Variants in MAX observed in about 807,000 individuals in gnomAD.
MAX encodes protein max.
A neutral mutation model predicts 22.3 loss-of-function variants in MAX; 3 were observed. The observed-to-expected ratio is 0.13, with a 90% CI of 0.06 to 0.35. The LOEUF (loss-of-function observed/expected upper bound fraction) is 0.35. Among genes scored for constraint, MAX ranks in the 10% least tolerant of loss-of-function variants. MAX has a pLI of 1.00. For synonymous variants in MAX, 72 were observed against 77.7 expected, an observed-to-expected ratio of 0.93 and a Z score of 0.39; for missense variants, 119 against 209.4, an observed-to-expected ratio of 0.57 and a Z score of 2.66.
At chr14:65,037,403 C>CTTTTTTTTTTTTTTTTTTTTT (rs1555335876) in intron 3 of MAX, among the ~76,000 whole-genome samples, 6 of 29,678 alleles carry the variant, frequency 2.0e-4, no homozygotes, top group Non-Finnish European at 4.4e-4. Flanking sequence ...ACGCCGGGCC[C>CTTTTTTTTTTTTTTTTTTTTT]TTTTTTTTTT....
chr14:65,045,088 A>G (rs915568077), intron 3 of MAX, among the ~76,000 whole-genome samples: 1 of 152,198 alleles, frequency 6.6e-6, no homozygotes, highest in Non-Finnish European at 1.5e-5. Context: ...ATGGGAACGC[A>G]AAACCGAAGT....
intron 3 of MAX, among the ~76,000 whole-genome samples, chr14:65,045,245 G>T (rs1467154787): frequency 6.6e-6 from 1 of 152,158 alleles, no homozygotes; most frequent in Non-Finnish European, 1.5e-5. Flanking sequence ...AAGTCATGGG[G>T]CCCTGCTGGT....
intron 3 of MAX, chr14:65,061,563 T>C: frequency 2.2e-6 from 1 of 450,490 alleles, no homozygotes; most frequent in Non-Finnish European, 3.9e-6. Context: ...TGGTGAACAG[T>C]GCATGCCAGG....
intron 3 of MAX, among the ~76,000 whole-genome samples, chr14:65,042,581 T>C (rs1006252039): frequency 1.3e-5 from 2 of 152,198 alleles, no homozygotes; most frequent in African/African-American, 4.8e-5. Flanking sequence ...CCACCACTCA[T>C]GTCCTGCTGT....
intron 3 of MAX, chr14:65,021,857 G>A (rs1595040142): frequency 2.2e-6 from 1 of 446,020 alleles, no homozygotes; most frequent in Middle Eastern, 3.3e-4. Context: ...TGTTGGCCAG[G>A]CTGGTCTCAA....
At position 65,084,391 on chromosome 14, in the gene MAX, TCTTCC is replaced by T; in HGVS notation, c.172-6360_172-6356del. ...CTTTTGTTTACTGAATTAGTTACCC[TCTTCC>T]AAAAAAAAAAATTCCAGTGATAATG... On this transcript the variant is annotated intron_variant, in intron 3 of 4. Coordinates refer to ENST00000358664, the MANE Select transcript of MAX (RefSeq NM_002382.5). This position sits in a 1 kb window ranked among gnomAD's most constrained non-coding sequence, Gnocchi z 4.3. The T allele has an allele frequency of 2.5e-6, 2 of 799,156 alleles. No homozygotes were observed. Among genetic ancestry groups the T allele is most frequent in the Admixed American group, 4.4e-5 (2 of 44,970 alleles). The allele number at this position is 799,156 out of a possible 1,614,324, so 49.5% of individuals were successfully genotyped here.
rs2061615322 is a variant in MAX, at chr14:65,007,645, T to C, written c.172-1361A>G. On this transcript the variant is annotated intron_variant, in intron 3 of 3. Transcript: ENST00000341653. The surrounding 1 kb of genome is among the most constrained non-coding windows in gnomAD (Gnocchi z 4.9). ...GAGGTAGTCAGTCCCAAGGAGCTTTTTGACCATGCTTTTCATGGTTTTGTT... is the reference window on the plus strand; with the variant it reads ...GAGGTAGTCAGTCCCAAGGAGCTTTCTGACCATGCTTTTCATGGTTTTGTT... 6.6e-6 allele frequency among the ~76,000 whole-genome samples: 1 copy of C among 152,214 alleles called. No individual in the cohort carries two copies. Among genetic ancestry groups the C allele is most frequent in the East Asian group, 1.9e-4 (1 of 5,200 alleles).
chr14:65,016,980 T>C (rs1460066873), intron 3 of MAX, among the ~76,000 whole-genome samples: 2 of 145,990 alleles, frequency 1.4e-5, no homozygotes, highest in Non-Finnish European at 3.0e-5. Context: ...TGGGGTGCAG[T>C]GGCACAGTCT....
intron 2 of MAX, among the ~76,000 whole-genome samples, chr14:65,099,516 G>A (rs1322877432): frequency 2.9e-5 from 4 of 137,182 alleles, no homozygotes; most frequent in African/African-American, 9.2e-5. Context: ...CAAGAACTGC[G>A]AGCCAAAATT....
In MAX at chr14:65,062,890, A is replaced by G. The variant is rs775624577; in HGVS notation, c.171+30818T>C. ...GCTCCCTGGGGTAATTCGGTATGCT[A>G]TGTCCCAGCCCTCCACACACTGCAC... is the stretch of plus-strand genomic sequence containing the variant. On this transcript the variant is annotated intron_variant, in intron 3 of 3. Transcript: ENST00000341653. This position sits in a 1 kb window ranked among gnomAD's most constrained non-coding sequence, Gnocchi z 4.3. Among the ~76,000 whole-genome samples, 1 of 152,190 alleles carries G rather than the reference A, an allele frequency of 6.6e-6. No individual in the cohort carries two copies. The highest frequency in any genetic ancestry group is 1.5e-5 in the Non-Finnish European group (1 of 68,028).
intron 3 of MAX, among the ~76,000 whole-genome samples, chr14:65,052,781 A>G (rs2062644293): frequency 6.6e-6 from 1 of 152,214 alleles, no homozygotes; most frequent in Non-Finnish European, 1.5e-5. Context: ...AGTAGAAGAA[A>G]CAGACTTTAT....
chr14:65,101,233 G>C (rs1010238825), intron 2 of MAX, among the ~76,000 whole-genome samples: 3 of 152,184 alleles, frequency 2.0e-5, no homozygotes, highest in Admixed American at 2.0e-4. Context: ...TACCAGACCA[G>C]AATGCTGCAT....
rs1162088659 is a variant in MAX, at chr14:65,011,981, A to G, written c.172-5697T>C. 1.3e-5 allele frequency among the ~76,000 whole-genome samples: 2 copies of G among 152,124 alleles called. No individual in the cohort carries two copies. The highest frequency in any genetic ancestry group is 2.9e-5 in the Non-Finnish European group (2 of 68,016). On this transcript the variant is annotated intron_variant, in intron 3 of 3. Coordinates refer to the MAX transcript ENST00000341653. This position sits in a 1 kb window ranked among gnomAD's most constrained non-coding sequence, Gnocchi z 4.0. ...GAGGCACAAAGATATCTGTTCTTAG[A>G]TGCTGGAGGAAGTTTCTGGGTGGAC...
chr14:65,009,189 TA>T lies in MAX; in HGVS notation c.172-2906del, dbSNP rs375394489. ...GGGTATTAGTCAGCTTGGGCTGCCA[TA>T]AGACGGTATCACAGATGGGGTGCAT... On this transcript the variant is annotated intron_variant, in intron 3 of 3. Transcript: ENST00000341653. The surrounding 1 kb of genome is among the most constrained non-coding windows in gnomAD (Gnocchi z 4.2). Among the ~76,000 whole-genome samples the T allele has an allele frequency of 3.7e-3, 564 of 152,316 alleles. 2 individuals carry two copies. Among genetic ancestry groups the T allele is most frequent in the African/African-American group, 0.011 (475 of 41,574 alleles).
chr14:65,053,354 G>A (rs1363650216), intron 3 of MAX: 2 of 1,418,920 alleles, frequency 1.4e-6, no homozygotes, highest in African/African-American at 1.5e-5. Flanking sequence ...TGGCAAGTGA[G>A]TGTTTTCTCT....
At chr14:65,098,940 T>A (rs77945159) in intron 2 of MAX, among the ~76,000 whole-genome samples, 3,165 of 152,344 alleles carry the variant, frequency 0.021, 40 homozygotes, top group Non-Finnish European at 0.033. Flanking sequence ...AATGTTTTTA[T>A]ATTAGGATCC....
chr14:65,091,658 A>G (rs1000579922), intron 3 of MAX, among the ~76,000 whole-genome samples: 35 of 152,222 alleles, frequency 2.3e-4, no homozygotes, highest in African/African-American at 7.7e-4. Context: ...TCATTACCAG[A>G]CAGATGCACT....
chr14:65,015,026 C>T (rs2061743803), intron 3 of MAX, among the ~76,000 whole-genome samples: 1 of 152,154 alleles, frequency 6.6e-6, no homozygotes, highest in Middle Eastern at 3.4e-3. Flanking sequence ...GCTCAGCCTT[C>T]CTTAGATGCC....
intron 3 of MAX, among the ~76,000 whole-genome samples, chr14:65,060,198 T>C (rs985846712): frequency 3.5e-4 from 54 of 152,160 alleles, no homozygotes; most frequent in African/African-American, 1.3e-3. Flanking sequence ...ACATAAAATA[T>C]AAAAAAGAAA....
Sources: gnomAD v4.1 joint callset for allele counts (sites outside exome capture counted in the v4.1 genomes callset) on GRCh38, gnomAD v4.1.1 for gene constraint, Gnocchi (gnomAD v3.1) non-coding constraint, MANE v1.5 for transcripts, NCBI Gene and HGNC (gene_info 2026-07-23, HGNC 2026-07-21) for gene names.